The following BRCA2 variants were observed in gnomAD, a reference collection of about 807,000 sequenced individuals.
BRCA2 encodes the protein breast cancer type 2 susceptibility protein.
A neutral mutation model predicts 276.7 loss-of-function variants in BRCA2; 203 were observed. That is an observed-to-expected ratio of 0.73 (90% CI 0.65 to 0.82). The LOEUF is 0.82. BRCA2 is among the 40% of genes least tolerant of loss of function. The pLI, the probability that BRCA2 is intolerant of heterozygous loss-of-function variation, is 0.00. For missense variants in BRCA2, 3,920 were observed against 3,915.0 expected, an observed-to-expected ratio of 1.00 and a Z score of -0.03; for synonymous variants, 1,289 against 1,338.4, an observed-to-expected ratio of 0.96 and a Z score of 0.81.
intron 18 of BRCA2, among the ~76,000 whole-genome samples, chr13:32,366,855 C>A: frequency 7.4e-6 from 1 of 134,786 alleles, no homozygotes. Flanking sequence ...TTGGTTTCAT[C>A]TATCAAAAAG....
At chr13:32,355,342 G>T (rs562549857) in intron 14 of BRCA2, 54 bp downstream of exon 14, 2 of 1,585,108 alleles carry the variant, frequency 1.3e-6, no homozygotes, top group East Asian at 4.5e-5. Flanking sequence ...AGATATTTCC[G>T]TTGTTAAATA....
At position 32,352,693 on chromosome 13, in the gene BRCA2, G is replaced by T. The variant is rs181036787; in HGVS notation, c.7008-2168G>T. On this transcript the variant is annotated intron_variant, in intron 13 of 26. Coordinates refer to ENST00000380152, the MANE Select transcript of BRCA2 (RefSeq NM_000059.4). Reference sequence around the variant, plus strand: ...GCTTCCTGTATGTCATTTCTGATAAGTTGAAACCTAGGTAGGTGATAGGCT... The same window carrying T: ...GCTTCCTGTATGTCATTTCTGATAATTTGAAACCTAGGTAGGTGATAGGCT... Among the ~76,000 whole-genome samples the T allele has an allele frequency of 3.4e-3, 515 of 152,310 alleles. 3 individuals carry two copies. The highest frequency in any genetic ancestry group is 5.2e-3 in the Admixed American group (80 of 15,300).
chr13:32,357,164 A>G (rs1425859583), intron 15 of BRCA2, among the ~76,000 whole-genome samples: 1 of 152,202 alleles, frequency 6.6e-6, no homozygotes, highest in Admixed American at 6.5e-5. Context: ...CTTTGTTTCC[A>G]TTTTGCAAAT....
Position 32,350,510 on chromosome 13 carries a change from G to C in BRCA2, c.7007+3614G>C, listed in dbSNP as rs9567582. ...CACGCCTGTAATCCCAGCACTTTGG[G>C]AGGCCGAGGCGGGTGGATCACAAGG... On this transcript the variant is annotated intron_variant, in intron 13 of 26. Coordinates refer to ENST00000380152, the MANE Select transcript of BRCA2 (RefSeq NM_000059.4). Among the ~76,000 whole-genome samples, 42,878 of 151,988 alleles carry C rather than the reference G, an allele frequency of 0.28. 6,229 individuals are homozygous for C. Among genetic ancestry groups the C allele is most frequent in the East Asian group, 0.39 (2,028 of 5,152 alleles).
At position 32,387,432 on chromosome 13, in the gene BRCA2, C is replaced by T. The variant is rs368513838; in HGVS notation, c.9257-7257C>T. On this transcript the variant is annotated intron_variant, in intron 24 of 26. Coordinates refer to ENST00000380152, the MANE Select transcript of BRCA2 (RefSeq NM_000059.4). ...AAGGCAAGAGGTGAGCCTTCTGTCACGCCCGCATAAGGGCCACTTGAGGGC... is the reference window on the plus strand; with the variant it reads ...AAGGCAAGAGGTGAGCCTTCTGTCATGCCCGCATAAGGGCCACTTGAGGGC... 2.0e-4 allele frequency among the ~76,000 whole-genome samples: 31 copies of T among 152,254 alleles called. No individual in the cohort carries two copies. The South Asian group carries it at 2.9e-3, about 14-fold the overall frequency.
At chr13:32,376,201 G>A (rs554224544) in intron 20 of BRCA2, among the ~76,000 whole-genome samples, 1 of 149,466 alleles carries the variant, frequency 6.7e-6, no homozygotes, top group East Asian at 2.0e-4. Flanking sequence ...TTTTAAACAT[G>A]AGTACACTGG....
At chr13:32,350,068 T>C (rs1467738003) in intron 13 of BRCA2, among the ~76,000 whole-genome samples, 1 of 152,114 alleles carries the variant, frequency 6.6e-6, no homozygotes, top group Non-Finnish European at 1.5e-5. Context: ...GACAGCTAAG[T>C]TTTCACTAGT....
chr13:32,330,053 G>C (rs1158843531), intron 8 of BRCA2, among the ~76,000 whole-genome samples: 1 of 152,104 alleles, frequency 6.6e-6, no homozygotes, highest in African/African-American at 2.4e-5. Flanking sequence ...ATATTTTTCA[G>C]TCCAAACCTA....
At chr13:32,352,616 TG>T (rs1421103528) in intron 13 of BRCA2, among the ~76,000 whole-genome samples, 1 of 152,168 alleles carries the variant, frequency 6.6e-6, no homozygotes, top group Non-Finnish European at 1.5e-5. Flanking sequence ...GGAATTTGGT[TG>T]GGGGACAGAG....
chr13:32,337,756 G>C lies in BRCA2; in HGVS notation c.3401G>C (p.Ser1134Thr), dbSNP rs398122764. 10 of 1,613,760 alleles carry C rather than the reference G, an allele frequency of 6.2e-6. No individual in the cohort carries two copies. Among genetic ancestry groups the C allele is most frequent in the Admixed American group, 3.3e-5 (2 of 59,986 alleles). Residue 1134 changes from serine (S) to threonine (T), a missense_variant, in exon 11 of 27, where the codon AGC becomes ACC. By Grantham distance (58) the Ser-to-Thr change is moderately conservative. Coordinates refer to ENST00000380152, the MANE Select transcript of BRCA2 (RefSeq NM_000059.4). ...QFEFTQFRKPSYILQKSTFEV... is the reference protein window; with the variant it reads ...QFEFTQFRKPTYILQKSTFEV... ...GAATTTACTCAGTTTAGAAAACCAA[G>C]CTACATATTGCAGAAGAGTACATTT... is the stretch of plus-strand genomic sequence containing the variant.
chr13:32,346,048 G>A (rs999170574), intron 12 of BRCA2, among the ~76,000 whole-genome samples: 16 of 151,740 alleles, frequency 1.1e-4, no homozygotes, highest in African/African-American at 3.9e-4. Flanking sequence ...TTCAATTTTA[G>A]GATTTGTCTT....
At chr13:32,372,019 G>T (rs990125239) in intron 20 of BRCA2, among the ~76,000 whole-genome samples, 4 of 152,234 alleles carry the variant, frequency 2.6e-5, no homozygotes, top group African/African-American at 9.6e-5. Flanking sequence ...CAGAGTGGTA[G>T]TTGGTGAAGG....
In BRCA2 at chr13:32,340,619, T is replaced by C. The variant is rs750651726; in HGVS notation, c.6264T>C (p.Thr2088=). 3.0e-5 allele frequency: 48 copies of C among 1,607,372 alleles called. 2 individuals carry two copies. The South Asian group carries it at 3.1e-4, about 10-fold the overall frequency. The change falls in exon 11 of 27, where the codon ACT becomes ACC. Residue 2088 remains threonine, a synonymous_variant. Transcript: ENST00000380152. ...TAGAGGAATTTGATTTAATCAGAAC[T>C]GAGCATAGTCTTCACTATTCACCTA... ...GVLEEFDLIR[T]EHSLHYSPTS... is the part of the protein sequence containing the mutation.
chr13:32,337,853 C>T lies in BRCA2; in HGVS notation c.3498C>T (p.Val1166=), dbSNP rs2072482126. 1 of 1,614,064 alleles carries T rather than the reference C, an allele frequency of 6.2e-7. No homozygotes were observed. The highest frequency in any genetic ancestry group is 8.5e-7 in the Non-Finnish European group (1 of 1,179,968). Residue 1166 remains valine (V), a synonymous_variant, in exon 11 of 27, where the codon GTC becomes GTT. Coordinates refer to ENST00000380152, the MANE Select transcript of BRCA2 (RefSeq NM_000059.4). ...SEECRDADLH[V]IMNAPSIGQV... Reference sequence around the variant, plus strand: ...AATGCAGAGATGCTGATCTTCATGTCATAATGAATGCCCCATCGATTGGTC... The same window carrying T: ...AATGCAGAGATGCTGATCTTCATGTTATAATGAATGCCCCATCGATTGGTC...
chr13:32,398,030 TA>T, intron 26 of BRCA2, 131 bp from the exon 27 acceptor site: 5 of 861,302 alleles, frequency 5.8e-6, no homozygotes, highest in Non-Finnish European at 8.9e-6. Flanking sequence ...TCACCTAACC[TA>T]TTAGGAGTTA....
intron 16 of BRCA2, among the ~76,000 whole-genome samples, chr13:32,358,890 C>T (rs907513601): frequency 3.3e-5 from 5 of 150,718 alleles, no homozygotes; most frequent in African/African-American, 7.3e-5. Context: ...GCCAAGATCA[C>T]GCCACTGCAC....
rs730881560 is a variant in BRCA2 at position 32,362,524 on chromosome 13, G to T, written c.7807G>T (p.Ala2603Ser). 1 of 1,613,328 alleles carries T rather than the reference G, an allele frequency of 6.2e-7. No individual in the cohort carries two copies. Among genetic ancestry groups the T allele is most frequent in the South Asian group, 1.1e-5 (1 of 91,058 alleles). The stretch of plus-strand genomic sequence containing the variant: ...AATATTCTACTTTTATTTGTTCAGG[G>T]CTCTGTGTGACACTCCAGGTGTGGA... ...GKAGKEEFYR[A>S]LCDTPGVDPK... The change falls in exon 17 of 27, where the codon GCT (alanine) becomes TCT (serine). Residue 2603 changes from alanine (A) to serine (S), a missense_variant and splice_region_variant. Ala to Ser is a moderately conservative substitution (Grantham distance 99). Around this residue, in one of 2 missense-constraint regions of BRCA2, gnomAD observed 3,263 missense variants for 3,156.9 expected, o/e 1.03. Transcript: ENST00000380152.
chr13:32,394,232 TATA>T (rs1389002037), intron 24 of BRCA2, among the ~76,000 whole-genome samples: 2 of 152,328 alleles, frequency 1.3e-5, no homozygotes, highest in East Asian at 1.9e-4. Flanking sequence ...ATTTTATAAT[TATA>T]ATGTTTCAGT....
chr13:32,341,331 G>A, intron 11 of BRCA2, 135 bp downstream of exon 11: 1 of 1,276,410 alleles, frequency 7.8e-7, no homozygotes, highest in Non-Finnish European at 1.1e-6. Flanking sequence ...CAGTTTGGGG[G>A]AGTATGGTTT....
Sources: gnomAD v4.1 joint callset for allele counts (sites outside exome capture counted in the v4.1 genomes callset) on GRCh38, gnomAD v4.1.1 for gene constraint, gnomAD v4.1.1 regional missense constraint, MANE v1.5 for transcripts, NCBI Gene and HGNC (gene_info 2026-07-23, HGNC 2026-07-21) for gene names.